Variants in LRP1B observed in about 807,000 individuals in gnomAD.
LRP1B encodes the protein LDL receptor related protein 1B.
A neutral mutation model predicts 556.6 loss-of-function variants in LRP1B; 217 were observed. The observed-to-expected ratio is 0.39, with a 90% confidence interval of 0.35 to 0.44. LRP1B has a LOEUF of 0.44. LRP1B is among the 20% of genes least tolerant of loss of function. LRP1B has a pLI of 1.00. For missense variants in LRP1B, 5,053 were observed against 5,620.8 expected, an observed-to-expected ratio of 0.90 and a Z score of 3.23; for synonymous variants, 2,047 against 1,865.8, an observed-to-expected ratio of 1.10 and a Z score of -2.50.
chr2:140,657,381 G>A (rs1012968501), intron 41 of LRP1B, among the ~76,000 whole-genome samples: 5 of 151,504 alleles, frequency 3.3e-5, no homozygotes, highest in Admixed American at 6.6e-5. Flanking sequence ...TCAGCACTTC[G>A]TATCCTAAGA....
intron 2 of LRP1B, among the ~76,000 whole-genome samples, chr2:141,614,514 A>ATT: frequency 6.6e-6 from 1 of 152,222 alleles, no homozygotes; most frequent in East Asian, 1.9e-4. Flanking sequence ...TCAAGTTAAG[A>ATT]ATGAGGTCAT....
At chr2:140,652,475 C>A (rs996444917) in intron 41 of LRP1B, among the ~76,000 whole-genome samples, 3 of 151,858 alleles carry the variant, frequency 2.0e-5, no homozygotes, top group African/African-American at 7.2e-5. Flanking sequence ...CATTTTTAGA[C>A]ATATTCTGGA....
At chr2:142,041,457 C>T (rs186890418) in intron 1 of LRP1B, among the ~76,000 whole-genome samples, 14 of 151,338 alleles carry the variant, frequency 9.3e-5, no homozygotes, top group Admixed American at 3.3e-4. Context: ...TTAAAAAGGG[C>T]AATAATTTTG....
chr2:141,010,951 G>GGTGTGTGT (rs71995663), intron 14 of LRP1B, among the ~76,000 whole-genome samples: 2 of 144,628 alleles, frequency 1.4e-5, no homozygotes, highest in Admixed American at 7.0e-5. Context: ...CTTGTCAGAT[G>GGTGTGTGT]GTGTGTGTGT....
intron 2 of LRP1B, among the ~76,000 whole-genome samples, chr2:141,605,552 G>A (rs1469859915): frequency 1.3e-5 from 2 of 152,058 alleles, no homozygotes; most frequent in African/African-American, 2.4e-5. Context: ...CAGGCCTCAA[G>A]CCAGGTCCCT....
At chr2:141,347,751 C>T (rs1367490749) in intron 3 of LRP1B, among the ~76,000 whole-genome samples, 2 of 151,930 alleles carry the variant, frequency 1.3e-5, no homozygotes, top group Admixed American at 6.6e-5. Context: ...TATTCAGCTA[C>T]TAATATTTTC....
chr2:140,831,144 C>A (rs1213982425), intron 31 of LRP1B, among the ~76,000 whole-genome samples: 1 of 152,064 alleles, frequency 6.6e-6, no homozygotes, highest in Non-Finnish European at 1.5e-5. Context: ...AAGCTACCCA[C>A]AGATTATATG....
intron 2 of LRP1B, among the ~76,000 whole-genome samples, chr2:141,527,161 T>C (rs1684718259): frequency 6.6e-6 from 1 of 152,088 alleles, no homozygotes; most frequent in African/African-American, 2.4e-5. Context: ...AGGCAGAAGC[T>C]CATTGCTTTT....
intron 2 of LRP1B, among the ~76,000 whole-genome samples, chr2:141,685,160 C>A (rs548713905): frequency 6.6e-6 from 1 of 152,156 alleles, no homozygotes; most frequent in African/African-American, 2.4e-5. Context: ...CTCTAACTTA[C>A]ATATCATTCC....
At chr2:141,236,391 AATCTAAAAGAGATG>A (rs1200760041) in intron 5 of LRP1B, among the ~76,000 whole-genome samples, 1 of 152,184 alleles carries the variant, frequency 6.6e-6, no homozygotes, top group African/African-American at 2.4e-5. Flanking sequence ...ACTCATGTAG[AATCTAAAAGAGATG>A]ATCTCATAGA....
At chr2:141,520,947 T>A (rs1200153171) in intron 2 of LRP1B, among the ~76,000 whole-genome samples, 1 of 152,102 alleles carries the variant, frequency 6.6e-6, no homozygotes, top group Admixed American at 6.6e-5. Context: ...TCTCCTTACT[T>A]TTTTTGGTCG....
chr2:140,772,498 T>C (rs1052856333), intron 33 of LRP1B, among the ~76,000 whole-genome samples: 5 of 151,938 alleles, frequency 3.3e-5, no homozygotes, highest in African/African-American at 7.2e-5. Flanking sequence ...TTAGGAGAGA[T>C]GGGATTTCAC....
intron 18 of LRP1B, among the ~76,000 whole-genome samples, chr2:140,976,905 T>G (rs966682644): frequency 6.6e-6 from 1 of 152,126 alleles, no homozygotes; most frequent in Non-Finnish European, 1.5e-5. Flanking sequence ...TTAAGGTACA[T>G]TTATTAAAAC....
Position 140,378,230 on chromosome 2 carries a change from A to G in LRP1B, c.10588T>C (p.Ser3530Pro). 37 of 1,613,874 alleles carry G rather than the reference A, an allele frequency of 2.3e-5. No homozygotes were observed. The highest frequency in any genetic ancestry group is 2.9e-5 in the Non-Finnish European group (34 of 1,179,812). The change falls in exon 68 of 91, where the codon TCA becomes CCA. Residue 3530 changes from serine (S) to proline (P), a missense_variant. Ser to Pro is a moderately conservative substitution (Grantham distance 74). This residue lies in a region of LRP1B where 599 missense variants were observed against 648.4 expected (regional missense o/e 0.92). Coordinates refer to ENST00000389484, the MANE Select transcript of LRP1B (RefSeq NM_018557.3). Reference sequence around the variant, plus strand: ...AAATCTCCATCACACCAAAACCTTGAAGAAACACAGTCCCCATTGGCACAG... The same window carrying G: ...AAATCTCCATCACACCAAAACCTTGGAGAAACACAGTCCCCATTGGCACAG... The part of the protein sequence containing the change: ...FLCANGDCVS[S>P]RFWCDGDFDC...
chr2:141,245,116 C>T (rs76419299), intron 5 of LRP1B, among the ~76,000 whole-genome samples: 5,818 of 152,186 alleles, frequency 0.038, 141 homozygotes, highest in African/African-American at 0.054. Context: ...TCAATAGAAA[C>T]AGCAAATAAC....
intron 25 of LRP1B, among the ~76,000 whole-genome samples, chr2:140,869,067 G>T (rs1693042965): frequency 6.6e-6 from 1 of 152,046 alleles, no homozygotes; most frequent in South Asian, 2.1e-4. Context: ...ATTTCTGAAT[G>T]ATGCCTTTAA....
chr2:141,712,217 AT>A (rs1692388464), intron 2 of LRP1B, among the ~76,000 whole-genome samples: 1 of 152,150 alleles, frequency 6.6e-6, no homozygotes, highest in Non-Finnish European at 1.5e-5. Flanking sequence ...AACTCAGAAA[AT>A]TTGTAACAGA....
At chr2:140,983,026 G>A (rs1021338866) in intron 17 of LRP1B, among the ~76,000 whole-genome samples, 2 of 152,026 alleles carry the variant, frequency 1.3e-5, no homozygotes, top group African/African-American at 4.8e-5. Flanking sequence ...TTCAGAAAAG[G>A]GGTTATGTTC....
chr2:140,813,363 G>A (rs753948241), intron 32 of LRP1B, among the ~76,000 whole-genome samples: 3 of 152,148 alleles, frequency 2.0e-5, no homozygotes, highest in Non-Finnish European at 1.5e-5. Flanking sequence ...GACTTTAGAG[G>A]ACTGGAGTAG....
Sources: allele counts gnomAD v4.1 joint callset (sites outside exome capture counted in the v4.1 genomes callset), GRCh38; gene constraint gnomAD v4.1.1; regional missense constraint gnomAD v4.1.1; transcripts MANE v1.5; gene names NCBI Gene and HGNC (gene_info 2026-07-23, HGNC 2026-07-21).